The following KANK4 variants were observed in gnomAD, a reference collection of about 807,000 sequenced individuals.
The protein encoded by KANK4 is KN motif and ankyrin repeat domains 4, also known as KN motif and ankyrin repeat domain-containing protein 4.
Under a neutral mutation model 80.8 loss-of-function variants are expected in KANK4, and 50 were observed. The ratio of observed to expected loss-of-function variants is 0.62; its 90% confidence interval spans 0.49 to 0.78. The LOEUF (loss-of-function observed/expected upper bound fraction) is 0.78. KANK4 is among the 30% of genes least tolerant of loss of function. The pLI, the probability that KANK4 is intolerant of heterozygous loss-of-function variation, is 0.00. For missense variants in KANK4, 1,196 were observed against 1,240.1 expected (o/e 0.96, Z 0.53); for synonymous variants, 465 against 506.9 (o/e 0.92, Z 1.11).
At chr1:62,264,775 T>A (rs1178493011) in intron 6 of KANK4, among the ~76,000 whole-genome samples, 1 of 152,216 alleles carries the variant, frequency 6.6e-6, no homozygotes, top group Non-Finnish European at 1.5e-5. Context: ...TGGAGAAAGA[T>A]CCTAATATTA....
chr1:62,292,861 G>A (rs1672706637), intron 1 of KANK4, among the ~76,000 whole-genome samples: 1 of 152,218 alleles, frequency 6.6e-6, no homozygotes, highest in Admixed American at 6.5e-5. Context: ...TGAGACCTTG[G>A]GCAAGTTAAC....
chr1:62,275,879 AGGGAGGAAGGAAGGAAGGGGAAGG>A (rs1426714661), intron 2 of KANK4, among the ~76,000 whole-genome samples: 65 of 133,594 alleles, frequency 4.9e-4, no homozygotes, highest in African/African-American at 1.6e-3. Flanking sequence ...GGAGGAAGGA[AGGGAGGAAGGAAGGAAGGGGAAGG>A]GGAAGGGGAA....
chr1:62,247,571 ATCGTGGTCCTGCAGATTGACATC>A lies in KANK4; in HGVS notation c.2761_2783del (p.Asp921TrpfsTer32). The A allele has an allele frequency of 1.2e-6, 2 of 1,614,082 alleles. No homozygotes were observed. On this transcript the variant is annotated frameshift_variant, in exon 9 of 10. Coordinates refer to ENST00000371153, the MANE Select transcript of KANK4 (RefSeq NM_181712.5). LOFTEE classifies it high-confidence loss of function. ...AGGCCACCATGAGGGCCGAGGATCCATCGTGGTCCTGCAGATTGACATCTGCCTGGCAGCTAAGCAGCGCTTGA... is the reference window on the plus strand; with the variant it reads ...AGGCCACCATGAGGGCCGAGGATCCATGCCTGGCAGCTAAGCAGCGCTTGA...
At chr1:62,250,472 CT>C (rs1671587489) in intron 8 of KANK4, among the ~76,000 whole-genome samples, 1 of 152,208 alleles carries the variant, frequency 6.6e-6, no homozygotes, top group South Asian at 2.1e-4. Flanking sequence ...AGAGAAGCAG[CT>C]TTTTCCTAGG....
chr1:62,268,250 G>A, intron 5 of KANK4, 37 bp downstream of exon 5: 2 of 1,549,258 alleles, frequency 1.3e-6, no homozygotes, highest in Non-Finnish European at 1.8e-6. Context: ...ACCTTTTTCA[G>A]AGGAACAAGT....
At chr1:62,305,657 G>C (rs1644445719) in intron 1 of KANK4, among the ~76,000 whole-genome samples, 3 of 151,866 alleles carry the variant, frequency 2.0e-5, no homozygotes, top group African/African-American at 4.8e-5. Context: ...AGGATTTTAA[G>C]CTCCACTGTG....
intron 1 of KANK4, among the ~76,000 whole-genome samples, chr1:62,307,755 C>T (rs12760226): frequency 0.23 from 32,920 of 145,198 alleles, 3,946 homozygotes; most frequent in Middle Eastern, 0.36. Context: ...GTTGCCAGAC[C>T]TGATTTTTTT....
intron 7 of KANK4, among the ~76,000 whole-genome samples, chr1:62,257,900 T>C (rs1671789253): frequency 6.6e-6 from 1 of 152,306 alleles, no homozygotes; most frequent in African/African-American, 2.4e-5. Flanking sequence ...TTGTCTCTTC[T>C]CTGTCCTGGC....
chr1:62,311,082 G>A (rs1186652445), intron 1 of KANK4, among the ~76,000 whole-genome samples: 4 of 152,062 alleles, frequency 2.6e-5, no homozygotes, highest in Non-Finnish European at 5.9e-5. Context: ...GATGGATTGG[G>A]GAAGATGAGG....
intron 1 of KANK4, among the ~76,000 whole-genome samples, chr1:62,286,123 C>T (rs1304759696): frequency 6.6e-6 from 1 of 152,244 alleles, no homozygotes; most frequent in Non-Finnish European, 1.5e-5. Context: ...GTCATTTTCG[C>T]CTGCATTGCA....
intron 1 of KANK4, among the ~76,000 whole-genome samples, chr1:62,305,645 G>T (rs1227725578): frequency 1.3e-5 from 2 of 151,894 alleles, no homozygotes; most frequent in Non-Finnish European, 2.9e-5. Flanking sequence ...AGCACTGAAA[G>T]GAGGATTTTA....
In KANK4 at chr1:62,279,191, A is replaced by AGC. The variant is rs766521694; in HGVS notation, c.16+2356_16+2357dup. Among the ~76,000 whole-genome samples the AGC allele has an allele frequency of 7.9e-4, 110 of 139,422 alleles. 2 individuals carry two copies. The East Asian group carries it at 9.4e-3, about 12-fold the overall frequency. The allele number at this position is 139,422 out of a possible 152,430, so 91.5% of individuals were successfully genotyped here. A position where few individuals can be genotyped will look rare whatever the true frequency, so the allele number is the denominator to read the frequency against. On this transcript the variant is annotated intron_variant, in intron 2 of 9. Transcript: ENST00000371153. ...GGTTTAATAGGTGCTTTCCTAAGCT[A>AGC]GCGCGCGCACACACACACACACACA... is the stretch of plus-strand genomic sequence containing the variant.
chr1:62,310,546 T>G (rs985377105), intron 1 of KANK4, among the ~76,000 whole-genome samples: 19 of 152,316 alleles, frequency 1.2e-4, no homozygotes, highest in South Asian at 1.0e-3. Flanking sequence ...TTTGCTTTTA[T>G]CAAGGTTCTA....
At chr1:62,299,285 T>A (rs1644392741) in intron 1 of KANK4, among the ~76,000 whole-genome samples, 1 of 152,106 alleles carries the variant, frequency 6.6e-6, no homozygotes, top group South Asian at 2.1e-4. Flanking sequence ...GGTCTCAAAG[T>A]CCTGGCTCAA....
intron 9 of KANK4, 109 bp from the exon 10 acceptor site, chr1:62,238,490 T>A (rs1184361348): frequency 4.7e-6 from 4 of 850,644 alleles, no homozygotes; most frequent in East Asian, 5.1e-5. Flanking sequence ...AGGTGTCTAT[T>A]AAGGCTTCCA....
chr1:62,262,402 T>C (rs548954211), intron 7 of KANK4, among the ~76,000 whole-genome samples: 73 of 152,218 alleles, frequency 4.8e-4, no homozygotes, highest in African/African-American at 1.7e-3. Flanking sequence ...CTTTCAACAG[T>C]GAAGCATTTC....
At chr1:62,254,717 C>A (rs1000544028) in intron 7 of KANK4, among the ~76,000 whole-genome samples, 5 of 151,018 alleles carry the variant, frequency 3.3e-5, no homozygotes, top group Admixed American at 6.6e-5. Flanking sequence ...CCACGCTCAG[C>A]TGATTTTTTA....
At chr1:62,317,424 G>T (rs1571063335) in intron 1 of KANK4, among the ~76,000 whole-genome samples, 2 of 152,290 alleles carry the variant, frequency 1.3e-5, no homozygotes, top group East Asian at 1.9e-4. Flanking sequence ...GGTGCTATTG[G>T]TCTATCTCTC....
At chr1:62,252,786 G>A (rs1671653944) in intron 8 of KANK4, among the ~76,000 whole-genome samples, 1 of 152,272 alleles carries the variant, frequency 6.6e-6, no homozygotes, top group South Asian at 2.1e-4. Flanking sequence ...GGGAATGTTG[G>A]TTCTAGAGGT....
Sources: gnomAD v4.1 joint callset for allele counts (sites outside exome capture counted in the v4.1 genomes callset) on GRCh38, gnomAD v4.1.1 for gene constraint, MANE v1.5 for transcripts, NCBI Gene and HGNC (gene_info 2026-07-23, HGNC 2026-07-21) for gene names.